Variants in PRPF31 observed in about 807,000 individuals in gnomAD.
PRPF31 encodes the protein U4/U6 small nuclear ribonucleoprotein Prp31.
A neutral mutation model predicts 60.4 loss-of-function variants in PRPF31; 12 were observed. That is an observed-to-expected ratio of 0.20 (90% CI 0.13 to 0.32). The LOEUF is 0.32. Ranked by LOEUF, PRPF31 falls within the 10% of genes least tolerant of loss-of-function variation. The pLI is 1.00. For missense variants in PRPF31, 431 were observed against 687.1 expected (o/e 0.63, Z 4.17); for synonymous variants, 287 against 287.9 (o/e 1.00, Z 0.03).
At chr19:54,126,647 G>T in intron 9 of PRPF31, 30 bp downstream of exon 9, 1 of 1,599,554 alleles carries the variant, frequency 6.3e-7, no homozygotes, top group South Asian at 1.1e-5. Context: ...GGGCGGCCGG[G>T]CGTCTTTTCC....
chr19:54,126,709 A>G (rs2073931065), intron 9 of PRPF31, 92 bp downstream of exon 9: 2 of 1,261,858 alleles, frequency 1.6e-6, no homozygotes, highest in East Asian at 2.5e-5. Context: ...AGCCCACCCC[A>G]GCGAGCACTG....
At chr19:54,125,010 C>T (rs2073885562) in intron 8 of PRPF31, 2 of 425,932 alleles carry the variant, frequency 4.7e-6, no homozygotes, top group Non-Finnish European at 8.7e-6. Context: ...GCAACTGCTC[C>T]GAAGACCACC....
At chr19:54,120,633 CAG>C (rs1390728772) in intron 3 of PRPF31, among the ~76,000 whole-genome samples, 1 of 152,168 alleles carries the variant, frequency 6.6e-6, no homozygotes, top group African/African-American at 2.4e-5. Context: ...TTTTTTGAGA[CAG>C]GGTCTCACTC....
chr19:54,122,243 G>A (rs1194354371), intron 4 of PRPF31: 48 of 621,176 alleles, frequency 7.7e-5, no homozygotes, highest in Non-Finnish European at 1.1e-4. Flanking sequence ...CATCACCTCC[G>A]CATTCCCACC....
At position 54,131,520 on chromosome 19, in the gene PRPF31, A is replaced by G; in HGVS notation, c.*88A>G. On this transcript the variant is annotated 3_prime_UTR_variant, in exon 14 of 14. Transcript: ENST00000321030. The stretch of plus-strand genomic sequence containing the variant: ...GGGCTAGGATCGGGTTCTGGCAGGG[A>G]GAACCTGCCCTGCCACTGGCCCCAT... 1 of 1,528,870 alleles carries G rather than the reference A, an allele frequency of 6.5e-7. No homozygotes were observed. Among genetic ancestry groups the G allele is most frequent in the Admixed American group, 1.9e-5 (1 of 51,820 alleles). The allele number at this position is 1,528,870 out of a possible 1,614,324, so 94.7% of individuals were successfully genotyped here.
rs1048389793 is a variant in PRPF31 at position 54,128,930 on chromosome 19, C to T, written c.1147-127C>T. 42 of 981,022 alleles carry T rather than the reference C, an allele frequency of 4.3e-5. No individual in the cohort carries two copies. In the African/African-American group the frequency reaches 5.0e-4, roughly 12 times the overall value. The allele number at this position is 981,022 out of a possible 1,614,324, so 60.8% of individuals were successfully genotyped here. On this transcript the variant is annotated intron_variant, in intron 11 of 13. Coordinates refer to ENST00000321030, the MANE Select transcript of PRPF31 (RefSeq NM_015629.4). ...GGCCTCAGCCGGGCCGAGTGGGTAC[C>T]GGAGCAGGTGCCCGTGGGACCGGCC...
intron 8 of PRPF31, among the ~76,000 whole-genome samples, chr19:54,126,207 G>A (rs587735249): frequency 6.6e-6 from 1 of 152,354 alleles, no homozygotes; most frequent in South Asian, 2.1e-4. Context: ...TCCGAGGGGC[G>A]TGCTTAGCAT....
In PRPF31 at chr19:54,122,828, C is replaced by G. The variant is rs1416090340; in HGVS notation, c.420+234C>G. On this transcript the variant is annotated intron_variant, in intron 5 of 13. Coordinates refer to ENST00000321030, the MANE Select transcript of PRPF31 (RefSeq NM_015629.4). ...TTCCCCGCTGGCCTGACCCACGCTG[C>G]TCCCGCTGTGGTTGGAGCCGGTGGC... 3 of 612,192 alleles carry G rather than the reference C, an allele frequency of 4.9e-6. No individual in the cohort carries two copies. The African/African-American group carries it at 5.5e-5, about 11-fold the overall frequency. The allele number at this position is 612,192 out of a possible 1,614,324, so 37.9% of individuals were successfully genotyped here.
rs587671681 is a variant in PRPF31, at chr19:54,124,647, C to G, written c.846C>G (p.Ser282=). 1.2e-6 allele frequency: 2 copies of G among 1,612,934 alleles called. No homozygotes were observed. The highest frequency in any genetic ancestry group is 1.7e-5 in the Admixed American group (1 of 60,026). ...GYIYHSDIVQ[S]LPPDLRRKAA... ...TCTACCACAGTGACATCGTGCAGTC[C>G]CTGCCACCGGTGAGCCCACTGCGTC... Residue 282 remains serine (S), a synonymous_variant, in exon 8 of 14, where the codon TCC becomes TCG. Coordinates refer to ENST00000321030, the MANE Select transcript of PRPF31 (RefSeq NM_015629.4).
At chr19:54,127,114 C>A (rs2073940537) in intron 9 of PRPF31, among the ~76,000 whole-genome samples, 1 of 152,140 alleles carries the variant, frequency 6.6e-6, no homozygotes, top group South Asian at 2.1e-4. Flanking sequence ...AGCGAGACTC[C>A]ATCTAAAAAC....
At position 54,128,392 on chromosome 19, in the gene PRPF31, G is replaced by C. The variant is rs1406488002; in HGVS notation, c.1146+15G>C. On this transcript the variant is annotated intron_variant, in intron 11 of 13. Transcript: ENST00000321030. ...GCTTCGGAGAGGTCAGACTCCCAGA[G>C]CGCCCTCCTCAACCCCACAGCCAGC... 6.5e-7 allele frequency: 1 copy of C among 1,545,236 alleles called. No individual in the cohort carries two copies. The highest frequency in any genetic ancestry group is 1.4e-5 in the African/African-American group (1 of 72,714).
At position 54,126,414 on chromosome 19, in the gene PRPF31, A is replaced by G. The variant is rs1326640840; in HGVS notation, c.856-114A>G. 7.4e-6 allele frequency: 7 copies of G among 943,052 alleles called. No individual in the cohort carries two copies. In the African/African-American group the frequency reaches 9.8e-5, roughly 13 times the overall value. 58.4% of individuals were successfully genotyped at this position (943,052 alleles called of 1,614,324 possible). On this transcript the variant is annotated intron_variant, in intron 8 of 13. Coordinates refer to ENST00000321030, the MANE Select transcript of PRPF31 (RefSeq NM_015629.4). ...ACACCTCTAGAGCCCAAGGGTGGAA[A>G]GCCCCCTTCCAGGACCCCAGGTAGA... is the stretch of plus-strand genomic sequence containing the variant.
chr19:54,124,001 G>A (rs1449470008), intron 7 of PRPF31, 83 bp downstream of exon 7: 2 of 1,589,824 alleles, frequency 1.3e-6, no homozygotes, highest in African/African-American at 2.7e-5. Context: ...TCTGTAGAAT[G>A]GGGGCTTTGG....
chr19:54,131,635 G>T lies in PRPF31; in HGVS notation c.*203G>T, dbSNP rs587688956. On this transcript the variant is annotated 3_prime_UTR_variant, in exon 14 of 14. Coordinates refer to ENST00000321030, the MANE Select transcript of PRPF31 (RefSeq NM_015629.4). ...CACCGCCCAGTATGGGCTAGAGCAG[G>T]TCTTCATCATGCCTTGTCTTTTTTA... The T allele has an allele frequency of 3.6e-4, 246 of 686,446 alleles. 2 individuals carry two copies. In the South Asian group the frequency reaches 4.2e-3, roughly 12 times the overall value. 42.5% of individuals were successfully genotyped at this position (686,446 alleles called of 1,614,324 possible).
At chr19:54,119,337 G>A (rs902831421) in intron 3 of PRPF31, among the ~76,000 whole-genome samples, 2 of 151,216 alleles carry the variant, frequency 1.3e-5, no homozygotes, top group Non-Finnish European at 2.9e-5. Context: ...AGCCGAGATC[G>A]TGCCACTGCA....
chr19:54,129,707 A>C (rs1221394210), intron 13 of PRPF31, among the ~76,000 whole-genome samples: 1 of 145,516 alleles, frequency 6.9e-6, no homozygotes, highest in Non-Finnish European at 1.5e-5. Context: ...CGGTTAAGGT[A>C]ACCTCAGGAC....
chr19:54,128,283 C>T, intron 10 of PRPF31, 22 bp from the exon 11 acceptor site: 1 of 1,550,622 alleles, frequency 6.4e-7, no homozygotes, highest in South Asian at 1.2e-5. Context: ...CTCCCTGGCG[C>T]CGCCCACCCA....
rs2073615124 is a variant in PRPF31, at chr19:54,115,815, CACGGGGA to C, written c.-9+19_-9+25del. 1 of 217,044 alleles carries C rather than the reference CACGGGGA, an allele frequency of 4.6e-6. No individual in the cohort carries two copies. Among genetic ancestry groups the C allele is most frequent in the Non-Finnish European group, 9.3e-6 (1 of 107,714 alleles). The allele number at this position is 217,044 out of a possible 1,614,324, so 13.4% of individuals were successfully genotyped here. A position where few individuals can be genotyped will look rare whatever the true frequency, so the allele number is the denominator to read the frequency against. Reference sequence around the variant, plus strand: ...GAGGAGAGGTGAGTGTGATGGGGACCACGGGGAGCGGGAGGCTGGGCTCCTGGGTCTG... The same window carrying C: ...GAGGAGAGGTGAGTGTGATGGGGACCGCGGGAGGCTGGGCTCCTGGGTCTG... On this transcript the variant is annotated intron_variant, in intron 1 of 13. Transcript: ENST00000321030.
chr19:54,124,483 C>A lies in PRPF31; in HGVS notation c.698-16C>A. 2 of 1,591,630 alleles carry A rather than the reference C, an allele frequency of 1.3e-6. No individual in the cohort carries two copies. The highest frequency in any genetic ancestry group is 1.7e-6 in the Non-Finnish European group (2 of 1,169,056). On this transcript the variant is annotated splice_polypyrimidine_tract_variant and intron_variant, in intron 7 of 13. Coordinates refer to ENST00000321030, the MANE Select transcript of PRPF31 (RefSeq NM_015629.4). ...TCTTCTGACCGCCCCCCCTTCCTCC[C>A]TCCCTCCCACCGCAGGTGTGGCCGG... is the stretch of plus-strand genomic sequence containing the variant.
Sources: allele counts gnomAD v4.1 joint callset (sites outside exome capture counted in the v4.1 genomes callset), GRCh38; gene constraint gnomAD v4.1.1; transcripts MANE v1.5; gene names NCBI Gene and HGNC (gene_info 2026-07-23, HGNC 2026-07-21).